TMEM38B: variants seen among roughly 807,000 people sequenced by gnomAD.
TMEM38B encodes the protein transmembrane protein 38B.
A neutral mutation model predicts 28.7 loss-of-function variants in TMEM38B; 24 were observed. The ratio of observed to expected loss-of-function variants is 0.84; its 90% CI spans 0.61 to 1.18. The LOEUF (loss-of-function observed/expected upper bound fraction) is 1.18, where lower values mean the gene tolerates loss of function less well. Ranked by LOEUF, TMEM38B falls within the 50% of genes most tolerant of loss-of-function variation. TMEM38B has a pLI of 0.00. For synonymous variants in TMEM38B, 131 were observed against 127.7 expected, an observed-to-expected ratio of 1.03 and a Z score of -0.17; for missense variants, 380 against 350.9, an observed-to-expected ratio of 1.08 and a Z score of -0.66.
chr9:105,710,886 A>C, intron 2 of TMEM38B: 1 of 283,096 alleles, frequency 3.5e-6, no homozygotes, highest in Non-Finnish European at 6.9e-6. Flanking sequence ...CCGCTATGGC[A>C]ACCGCCTCTT....
At chr9:105,733,914 A>T (rs950735084) in intron 4 of TMEM38B, among the ~76,000 whole-genome samples, 2 of 151,888 alleles carry the variant, frequency 1.3e-5, no homozygotes, top group African/African-American at 4.8e-5. Context: ...AAACCAACTC[A>T]GTTTGATTGA....
intron 4 of TMEM38B, among the ~76,000 whole-genome samples, chr9:105,747,140 C>G (rs961101469): frequency 6.6e-6 from 1 of 152,156 alleles, no homozygotes; most frequent in Non-Finnish European, 1.5e-5. Flanking sequence ...GCTATAGTTT[C>G]AGAAGGAATG....
intron 2 of TMEM38B, among the ~76,000 whole-genome samples, chr9:105,716,644 T>G (rs879490316): frequency 0.18 from 27,358 of 151,722 alleles, 3,528 homozygotes; most frequent in East Asian, 0.47. Context: ...TGAATCCACT[T>G]ATGTGCAGAT....
intron 4 of TMEM38B, among the ~76,000 whole-genome samples, chr9:105,744,141 A>C (rs1588445261): frequency 1.3e-5 from 2 of 152,082 alleles, no homozygotes. Flanking sequence ...AATGGCTAAA[A>C]CCAGCAAAGA....
At chr9:105,751,425 C>T (rs1837645944) in intron 5 of TMEM38B, among the ~76,000 whole-genome samples, 1 of 152,198 alleles carries the variant, frequency 6.6e-6, no homozygotes, top group African/African-American at 2.4e-5. Flanking sequence ...GGTCTTGGGT[C>T]CAATACACAC....
At chr9:105,753,150 T>C (rs1265861730) in intron 5 of TMEM38B, among the ~76,000 whole-genome samples, 2 of 151,968 alleles carry the variant, frequency 1.3e-5, no homozygotes. Context: ...GAACAAAATC[T>C]CTGAGAAATA....
In TMEM38B at chr9:105,699,170, G is replaced by GT. The variant is rs535814926; in HGVS notation, c.112+4399dup. On this transcript the variant is annotated intron_variant, in intron 1 of 5. Transcript: ENST00000374692. ...GCTCAGTAGATGGAGTGAGTAGCTT[G>GT]TATTACTCTCTATTTATGTGGTCAG... 3.4e-4 allele frequency among the ~76,000 whole-genome samples: 52 copies of GT among 152,152 alleles called. 1 individual carries two copies. In the South Asian group the frequency reaches 9.8e-3, roughly 29 times the overall value.
chr9:105,700,013 C>A (rs1413012088), intron 1 of TMEM38B, among the ~76,000 whole-genome samples: 1 of 152,136 alleles, frequency 6.6e-6, no homozygotes, highest in South Asian at 2.1e-4. Context: ...AAAATAAACA[C>A]ATTTCTTCAA....
At chr9:105,773,820 G>T (rs779950706) in intron 5 of TMEM38B, 45 bp from the exon 6 acceptor site, 2 of 1,560,376 alleles carry the variant, frequency 1.3e-6, no homozygotes, top group Admixed American at 3.6e-5. Context: ...TTGAGAAACA[G>T]AAATCATTTG....
intron 5 of TMEM38B, chr9:105,759,213 G>A (rs1837946145): frequency 2.1e-5 from 15 of 720,078 alleles, no homozygotes; most frequent in South Asian, 2.0e-4. Flanking sequence ...TGAATATTAT[G>A]AATTATTTGT....
rs368270291 is a variant in TMEM38B, at chr9:105,720,444, TTAAAA to T, written c.270-1084_270-1080del. Among the ~76,000 whole-genome samples the T allele has an allele frequency of 2.4e-3, 359 of 152,194 alleles. 2 individuals are homozygous for T. Among genetic ancestry groups the T allele is most frequent in the African/African-American group, 8.3e-3 (346 of 41,572 alleles). ...TCAGAATGTAGTCTGAGCTGAGATG[TTAAAA>T]TAAAATAAGAATCCCAAAGTCAATG... is the stretch of plus-strand genomic sequence containing the variant. On this transcript the variant is annotated intron_variant, in intron 2 of 5. Coordinates refer to ENST00000374692, the MANE Select transcript of TMEM38B (RefSeq NM_018112.3).
At chr9:105,716,845 A>C (rs9408800) in intron 2 of TMEM38B, among the ~76,000 whole-genome samples, 1 of 152,038 alleles carries the variant, frequency 6.6e-6, no homozygotes, top group Admixed American at 6.5e-5. Context: ...AGAATACATC[A>C]GGGACAGGTA....
chr9:105,716,360 G>C (rs1361573749), intron 2 of TMEM38B, among the ~76,000 whole-genome samples: 1 of 136,824 alleles, frequency 7.3e-6, no homozygotes, highest in Non-Finnish European at 1.6e-5. Context: ...CAGAACCTCT[G>C]TCAGTTGTAG....
chr9:105,768,132 C>G (rs1826433329), intron 5 of TMEM38B, among the ~76,000 whole-genome samples: 1 of 152,030 alleles, frequency 6.6e-6, no homozygotes, highest in Non-Finnish European at 1.5e-5. Context: ...AAGTGTTTAT[C>G]ATGAATGGGT....
intron 4 of TMEM38B, among the ~76,000 whole-genome samples, chr9:105,744,432 A>G (rs1360241813): frequency 2.6e-5 from 4 of 152,072 alleles, no homozygotes; most frequent in Admixed American, 1.3e-4. Context: ...TTTGCAAAGA[A>G]TAGGATCGTA....
At chr9:105,738,902 T>C (rs1837083787) in intron 4 of TMEM38B, among the ~76,000 whole-genome samples, 1 of 151,990 alleles carries the variant, frequency 6.6e-6, no homozygotes, top group Non-Finnish European at 1.5e-5. Context: ...TTTTTATTTT[T>C]TGTAGAGATG....
chr9:105,717,434 A>G (rs1836144843), intron 2 of TMEM38B, among the ~76,000 whole-genome samples: 1 of 152,214 alleles, frequency 6.6e-6, no homozygotes, highest in Admixed American at 6.5e-5. Flanking sequence ...AACACTATTT[A>G]TAATAGGGAA....
Position 105,705,606 on chromosome 9 carries a change from C to G in TMEM38B, c.122C>G (p.Ala41Gly). 6.2e-7 allele frequency: 1 copy of G among 1,612,738 alleles called. No individual in the cohort carries two copies. Among genetic ancestry groups the G allele is most frequent in the Non-Finnish European group, 8.5e-7 (1 of 1,179,338 alleles). The change falls in exon 2 of 6, where the codon GCA becomes GGA. Residue 41 changes from alanine to glycine, a missense_variant. Transcript: ENST00000374692. ...MAVKRQPGAA[A>G]LAWKNPISSW... ...TACTTTACCATTTCAGGAGCAGCTG[C>G]ATTGGCATGGAAGAATCCTATTTCA...
Position 105,773,911 on chromosome 9 carries a change from T to C in TMEM38B, c.707T>C (p.Phe236Ser). The C allele has an allele frequency of 6.2e-7, 1 of 1,613,786 alleles. No homozygotes were observed. Among genetic ancestry groups the C allele is most frequent in the Non-Finnish European group, 8.5e-7 (1 of 1,179,742 alleles). Residue 236 changes from phenylalanine to serine, a missense_variant, in exon 6 of 6, where the codon TTT (phenylalanine) becomes TCT (serine). Phe to Ser is a radical substitution (Grantham distance 155, BLOSUM62 -2). Transcript: ENST00000374692. ...TQTSTMTFAP[F>S]EDTLSWMLFG... is the part of the protein sequence containing the mutation. ...ACTTCTACTATGACATTTGCTCCTT[T>C]TGAGGATACATTGAGTTGGATGCTA...
Sources: allele counts gnomAD v4.1 joint callset (sites outside exome capture counted in the v4.1 genomes callset), GRCh38; gene constraint gnomAD v4.1.1; transcripts MANE v1.5; gene names NCBI Gene and HGNC (gene_info 2026-07-23, HGNC 2026-07-21).